The following RRN3 variants were observed in gnomAD, a reference collection of about 807,000 sequenced individuals.
RRN3 encodes RNA polymerase I transcription factor RRN3.
A neutral mutation model predicts 82.3 loss-of-function variants in RRN3; 38 were observed. The ratio of observed to expected loss-of-function variants is 0.46; its 90% CI spans 0.36 to 0.61. The LOEUF (loss-of-function observed/expected upper bound fraction) is 0.61, where lower values mean the gene tolerates loss of function less well. RRN3 is among the 20% of genes least tolerant of loss of function. The probability of loss-of-function intolerance (pLI) is 0.00; values close to 1 mark genes in which losing one functional copy is unlikely to be tolerated. For synonymous variants in RRN3, 284 were observed against 284.3 expected, an observed-to-expected ratio of 1.00 and a Z score of 0.01; for missense variants, 726 against 793.1, an observed-to-expected ratio of 0.92 and a Z score of 1.02.
chr16:15,073,408 G>C (rs1473172608), intron 11 of RRN3, among the ~76,000 whole-genome samples: 1 of 152,196 alleles, frequency 6.6e-6, no homozygotes, highest in Non-Finnish European at 1.5e-5. Flanking sequence ...AGTAAGCCAT[G>C]TTTGTGCGAC....
intron 17 of RRN3, 115 bp downstream of exon 17, chr16:15,063,081 T>C (rs2151756330): frequency 2.5e-6 from 2 of 811,198 alleles, no homozygotes; most frequent in East Asian, 4.9e-5. Context: ...CCTCTGGCCT[T>C]GACCCCCTAA....
At position 15,065,563 on chromosome 16, in the gene RRN3, G is replaced by C. The variant is rs1386546117; in HGVS notation, c.1554-192C>G. Among the ~76,000 whole-genome samples, 6 of 152,156 alleles carry C rather than the reference G, an allele frequency of 3.9e-5. No individual in the cohort carries two copies. The East Asian group carries it at 1.2e-3, about 29-fold the overall frequency. On this transcript the variant is annotated intron_variant, in intron 15 of 17. Transcript: ENST00000198767. The stretch of plus-strand genomic sequence containing the variant: ...CGTTCTATGGGTCTTCTATTTGCAA[G>C]TTTGCTAAGGAGAAAGAAAACGTGG...
At chr16:15,084,349 G>A (rs1351508702) in intron 7 of RRN3, among the ~76,000 whole-genome samples, 1 of 152,106 alleles carries the variant, frequency 6.6e-6, no homozygotes, top group Non-Finnish European at 1.5e-5. Context: ...ACACCCAGGG[G>A]TTTCTCACTG....
At chr16:15,074,225 T>C (rs549216693) in intron 11 of RRN3, among the ~76,000 whole-genome samples, 46 of 152,354 alleles carry the variant, frequency 3.0e-4, no homozygotes, top group African/African-American at 1.1e-3. Flanking sequence ...TCTATTATTC[T>C]GACTCACTGA....
chr16:15,081,636 T>C (rs1158937788), intron 8 of RRN3, among the ~76,000 whole-genome samples: 1 of 152,232 alleles, frequency 6.6e-6, no homozygotes, highest in Non-Finnish European at 1.5e-5. Flanking sequence ...ATCCTTTTCA[T>C]CTTCTTGAAG....
intron 3 of RRN3, among the ~76,000 whole-genome samples, chr16:15,088,855 G>A (rs536677224): frequency 2.6e-5 from 4 of 152,192 alleles, no homozygotes. Context: ...AGAGAGATCT[G>A]GAAGTGTGGG....
At chr16:15,092,046 G>A (rs1278288398) in intron 2 of RRN3, among the ~76,000 whole-genome samples, 1 of 152,154 alleles carries the variant, frequency 6.6e-6, no homozygotes, top group Non-Finnish European at 1.5e-5. Context: ...AGGTGTGGTG[G>A]TGTGTGCCTG....
chr16:15,066,344 C>G (rs1472614114), intron 15 of RRN3, among the ~76,000 whole-genome samples: 1 of 152,110 alleles, frequency 6.6e-6, no homozygotes, highest in Non-Finnish European at 1.5e-5. Flanking sequence ...AAAACACTAA[C>G]ACAGCCGGCT....
intron 16 of RRN3, among the ~76,000 whole-genome samples, chr16:15,064,100 T>G (rs1038805392): frequency 8.5e-5 from 13 of 152,226 alleles, no homozygotes. Flanking sequence ...TCCTGCTTCC[T>G]TATACAAGTG....
rs1354505496 is a variant in RRN3 at position 15,083,413 on chromosome 16, AAAAG to A, written c.666+96_666+99del. ...GACTCGGTCTCAAAAAAGAAAAAGA[AAAAG>A]AAAGACTGGAAAAGAAAGAAAAAGA... On this transcript the variant is annotated intron_variant, in intron 8 of 17. Coordinates refer to ENST00000198767, the MANE Select transcript of RRN3 (RefSeq NM_018427.5). The A allele has an allele frequency of 1.6e-5, 25 of 1,538,544 alleles. No homozygotes were observed. The African/African-American group carries it at 2.1e-4, about 13-fold the overall frequency.
rs111343819 is a variant in RRN3 at position 15,061,352 on chromosome 16, C to A, written c.*392G>T. On this transcript the variant is annotated 3_prime_UTR_variant, in exon 18 of 18. Coordinates refer to ENST00000198767, the MANE Select transcript of RRN3 (RefSeq NM_018427.5). ...TCACTGAAAGCTCATCAGTCAAGTC[C>A]TAAGACCATGGATCTGACAAAAACC... 2 of 190,908 alleles carry A rather than the reference C, an allele frequency of 1.0e-5. No individual in the cohort carries two copies. Among genetic ancestry groups the A allele is most frequent in the Non-Finnish European group, 2.1e-5 (2 of 94,120 alleles). The allele number at this position is 190,908 out of a possible 1,614,324, so 11.8% of individuals were successfully genotyped here.
At chr16:15,086,105 A>C in intron 5 of RRN3, 24 bp downstream of exon 5, 1 of 1,599,894 alleles carries the variant, frequency 6.3e-7, no homozygotes, top group Non-Finnish European at 8.5e-7. Flanking sequence ...TAAAAAGAAA[A>C]TAAAATTCCA....
chr16:15,092,009 T>G (rs1369519437), intron 2 of RRN3, among the ~76,000 whole-genome samples: 2 of 152,032 alleles, frequency 1.3e-5, no homozygotes, highest in African/African-American at 4.8e-5. Context: ...AAACCCTGCC[T>G]CTACTAAAAA....
chr16:15,073,630 T>TC, intron 11 of RRN3, among the ~76,000 whole-genome samples: 1 of 152,266 alleles, frequency 6.6e-6, no homozygotes, highest in South Asian at 2.1e-4. Context: ...GAAGAGCAAT[T>TC]CTATCATTCG....
Position 15,094,269 on chromosome 16 carries a change from G to A in RRN3, c.-36C>T, listed in dbSNP as rs564636219. 11 of 1,487,402 alleles carry A rather than the reference G, an allele frequency of 7.4e-6. No homozygotes were observed. The South Asian group carries it at 8.5e-5, about 11-fold the overall frequency. The allele number at this position is 1,487,402 out of a possible 1,614,324, so 92.1% of individuals were successfully genotyped here. A position where few individuals can be genotyped will look rare whatever the true frequency, so the allele number is the denominator to read the frequency against. Reference sequence around the variant, plus strand: ...TAACGCGACCGCTGCGCCTCAGGCCGGATGCCCAGCTCCTTCCAGCCACAG... The same window carrying A: ...TAACGCGACCGCTGCGCCTCAGGCCAGATGCCCAGCTCCTTCCAGCCACAG... On this transcript the variant is annotated 5_prime_UTR_variant, in exon 1 of 18. Coordinates refer to ENST00000198767, the MANE Select transcript of RRN3 (RefSeq NM_018427.5).
rs111432565 is a variant in RRN3, at chr16:15,072,259, A to G, written c.1128+691T>C. Among the ~76,000 whole-genome samples, 975 of 151,552 alleles carry G rather than the reference A, an allele frequency of 6.4e-3. 14 individuals carry two copies. Among genetic ancestry groups the G allele is most frequent in the African/African-American group, 0.021 (883 of 41,362 alleles). On this transcript the variant is annotated intron_variant, in intron 12 of 17. Coordinates refer to ENST00000198767, the MANE Select transcript of RRN3 (RefSeq NM_018427.5). ...CTTTCCCCCACCAAAAAAAAAAAAA[A>G]AAGAAGAAGAAGAAGAAAAGACAAA...
intron 8 of RRN3, among the ~76,000 whole-genome samples, chr16:15,082,666 G>A (rs552403803): frequency 6.6e-6 from 1 of 150,804 alleles, no homozygotes; most frequent in Admixed American, 6.6e-5. Flanking sequence ...GACGGAGACT[G>A]TCCCCCCACC....
intron 9 of RRN3, among the ~76,000 whole-genome samples, chr16:15,077,997 C>A (rs1175753579): frequency 1.3e-5 from 2 of 152,224 alleles, no homozygotes; most frequent in East Asian, 1.9e-4. Flanking sequence ...AAATGATGAA[C>A]TGCCAGCCAA....
Position 15,093,928 on chromosome 16 carries a change from C to T in RRN3, c.89+217G>A, listed in dbSNP as rs531036220. ...AAGAGACACAGTCGGGAAAGGGGGC[C>T]TCCAGAACAGAGAACATAGTCACTT... On this transcript the variant is annotated intron_variant, in intron 1 of 17. Coordinates refer to ENST00000198767, the MANE Select transcript of RRN3 (RefSeq NM_018427.5). 4.1e-5 allele frequency: 23 copies of T among 566,334 alleles called. No individual in the cohort carries two copies. The Admixed American group carries it at 4.9e-4, about 12-fold the overall frequency. The allele number at this position is 566,334 out of a possible 1,614,324, so 35.1% of individuals were successfully genotyped here.
Sources: allele counts gnomAD v4.1 joint callset (sites outside exome capture counted in the v4.1 genomes callset), GRCh38; gene constraint gnomAD v4.1.1; transcripts MANE v1.5; gene names NCBI Gene and HGNC (gene_info 2026-07-23, HGNC 2026-07-21).